Variants in TMPRSS6 observed in about 807,000 individuals in gnomAD.
The protein encoded by TMPRSS6 is transmembrane serine protease 6.
In TMPRSS6, 67 loss-of-function variants were observed where a neutral mutation model predicts 101.5. The ratio of observed to expected loss-of-function variants is 0.66; its 90% CI spans 0.54 to 0.81. The LOEUF is 0.81. Among genes scored for constraint, TMPRSS6 ranks in the 30% least tolerant of loss-of-function variants. TMPRSS6 has a pLI of 0.00. For synonymous variants in TMPRSS6, 453 were observed against 464.9 expected (o/e 0.97, Z 0.33); for missense variants, 1,034 against 1,088.7 (o/e 0.95, Z 0.71).
At chr22:37,093,687 C>A (rs1300664531) in intron 6 of TMPRSS6, among the ~76,000 whole-genome samples, 1 of 149,886 alleles carries the variant, frequency 6.7e-6, no homozygotes, top group Non-Finnish European at 1.5e-5. Flanking sequence ...CAGGCATGAG[C>A]CACCATGCCT....
chr22:37,094,308 TA>T (rs1929538732), intron 6 of TMPRSS6, among the ~76,000 whole-genome samples: 1 of 152,176 alleles, frequency 6.6e-6, no homozygotes, highest in South Asian at 2.1e-4. Flanking sequence ...TCTTGCCTGG[TA>T]GGACCTTAAC....
chr22:37,067,089 T>C (rs1926371930), intron 16 of TMPRSS6, 127 bp from the exon 17 acceptor site: 6 of 1,406,016 alleles, frequency 4.3e-6, no homozygotes, highest in South Asian at 3.7e-5. Context: ...CCCTTACCCC[T>C]GCTAGGGTCG....
chr22:37,105,861 C>T (rs932325), intron 1 of TMPRSS6, among the ~76,000 whole-genome samples: 54,525 of 151,796 alleles, frequency 0.36, 10,296 homozygotes, highest in Non-Finnish European at 0.41. Flanking sequence ...TTTGTAGAGA[C>T]CAGGTCTCAA....
At chr22:37,102,607 G>A (rs982698897) in intron 2 of TMPRSS6, among the ~76,000 whole-genome samples, 2 of 152,186 alleles carry the variant, frequency 1.3e-5, no homozygotes, top group African/African-American at 4.8e-5. Flanking sequence ...ACTGACTGAG[G>A]GCTGTGACAT....
rs573880111 is a variant in TMPRSS6 at position 37,071,390 on chromosome 22, C to T, written c.1556-358G>A. On this transcript the variant is annotated intron_variant, in intron 13 of 17. Transcript: ENST00000676104. ...CAATCTCCCAGGCTCTGGCCCTGCC[C>T]GGTTGTCCACATTTTCCTCCCTGCT... Among the ~76,000 whole-genome samples the T allele has an allele frequency of 5.9e-5, 9 of 152,340 alleles. No homozygotes were observed. In the East Asian group the frequency reaches 1.2e-3, roughly 20 times the overall value.
At position 37,108,543 on chromosome 22, in the gene TMPRSS6, A is replaced by T. The variant is rs906639197; in HGVS notation, c.-2+960T>A. 3.3e-5 allele frequency among the ~76,000 whole-genome samples: 5 copies of T among 152,100 alleles called. No homozygotes were observed. The South Asian group carries it at 1.0e-3, about 32-fold the overall frequency. On this transcript the variant is annotated intron_variant, in intron 1 of 17. Coordinates refer to ENST00000676104, the MANE Select transcript of TMPRSS6 (RefSeq NM_001374504.1). ...TCCCTCCTGCCCTTCTGGCCATTGG[A>T]GGGTCTCGGGTCTGCCTGCTGGAGG...
In TMPRSS6 at chr22:37,089,792, G is replaced by GGAGA. The variant is rs760076759; in HGVS notation, c.632-14_632-11dup. On this transcript the variant is annotated splice_polypyrimidine_tract_variant and intron_variant, in intron 6 of 17. Transcript: ENST00000676104. ...CTGTAGCGGTAACAACCTGGAGCGG[G>GGAGA]GAGAGGGGCACAGCCCCTGATTCCT... 6 of 1,609,812 alleles carry GGAGA rather than the reference G, an allele frequency of 3.7e-6. No individual in the cohort carries two copies. The highest frequency in any genetic ancestry group is 5.1e-6 in the Non-Finnish European group (6 of 1,178,938).
Position 37,089,649 on chromosome 22 carries a change from C to A in TMPRSS6, c.765G>T (p.Thr255=), listed in dbSNP as rs368878497. 6.2e-7 allele frequency: 1 copy of A among 1,612,996 alleles called. No homozygotes were observed. Among genetic ancestry groups the A allele is most frequent in the Non-Finnish European group, 8.5e-7 (1 of 1,179,750 alleles). ...CCAGTCGGTCCCGGCACTCTGCCAG[C>A]GTCCACTCCAGCCGGAGTTTGAGCA... ...DLMLKLRLEW[T]LAECRDRLAM... is the part of the protein sequence containing the mutation. Residue 255 remains threonine (T), a synonymous_variant, in exon 7 of 18, where the codon ACG becomes ACT. Coordinates refer to ENST00000676104, the MANE Select transcript of TMPRSS6 (RefSeq NM_001374504.1).
intron 6 of TMPRSS6, among the ~76,000 whole-genome samples, chr22:37,094,428 T>TAGGG (rs1555891517): frequency 7.3e-6 from 1 of 136,218 alleles, no homozygotes; most frequent in South Asian, 2.3e-4. Flanking sequence ...GATAGATAGA[T>TAGGG]ATAAACAGAC....
At chr22:37,079,240 C>T (rs1470779827) in intron 10 of TMPRSS6, among the ~76,000 whole-genome samples, 2 of 152,230 alleles carry the variant, frequency 1.3e-5, no homozygotes, top group African/African-American at 2.4e-5. Flanking sequence ...CTGACTGCTG[C>T]GATGCCTGCC....
In TMPRSS6 at chr22:37,096,693, G is replaced by A. The variant is rs143244650; in HGVS notation, c.359C>T (p.Thr120Ile). 1.7e-4 allele frequency: 267 copies of A among 1,566,492 alleles called. 1 individual carries two copies. The African/African-American group carries it at 3.0e-3, about 18-fold the overall frequency. ...QKMLKELITS[T>I]RLGTYYNSSS... ...GGAGTTGTAGTAAGTTCCCAGGCGG[G>A]TGCTGGTGATGAGCTCCTTGAGCTG... is the stretch of plus-strand genomic sequence containing the variant. The change falls in exon 4 of 18, where the codon ACC becomes ATC. Residue 120 changes from threonine to isoleucine, a missense_variant. Coordinates refer to ENST00000676104, the MANE Select transcript of TMPRSS6 (RefSeq NM_001374504.1).
intron 2 of TMPRSS6, among the ~76,000 whole-genome samples, chr22:37,100,716 G>A (rs1930245042): frequency 6.6e-6 from 1 of 152,198 alleles, no homozygotes; most frequent in South Asian, 2.1e-4. Context: ...AAGCTCAAGG[G>A]AGAGGCCCAG....
chr22:37,083,988 G>A, intron 10 of TMPRSS6: 1 of 553,816 alleles, frequency 1.8e-6, no homozygotes, highest in Non-Finnish European at 3.2e-6. Flanking sequence ...GTGCCAGAGG[G>A]GGTTACAGCA....
rs60484081 is a variant in TMPRSS6 at position 37,069,345 on chromosome 22, CTGGGGTGGGGTGGGGTGGGG to C, written c.1842-21_1842-2del. 5.0e-5 allele frequency: 21 copies of C among 418,128 alleles called. No homozygotes were observed. Among genetic ancestry groups the C allele is most frequent in the South Asian group, 2.8e-4 (8 of 28,618 alleles). The allele number at this position is 418,128 out of a possible 1,614,324, so 25.9% of individuals were successfully genotyped here. A position where few individuals can be genotyped will look rare whatever the true frequency, so the allele number is the denominator to read the frequency against. On this transcript the variant is annotated splice_acceptor_variant and splice_polypyrimidine_tract_variant and intron_variant, in intron 15 of 17. Transcript: ENST00000676104. LOFTEE classifies it high-confidence loss of function. This position sits in a 1 kb window ranked among gnomAD's most constrained non-coding sequence, Gnocchi z 4.8. ...GGTCCACAGCACCGTGGAGGCCATG[CTGGGGTGGGGTGGGGTGGGG>C]TGGGGTGGGGTGAGGTGAGGTGGGA...
chr22:37,109,298 C>T (rs1930920509), intron 1 of TMPRSS6: 2 of 152,714 alleles, frequency 1.3e-5, no homozygotes, highest in Non-Finnish European at 2.9e-5. Flanking sequence ...TGGTGTCACC[C>T]TGCGTGGTCC....
Position 37,069,356 on chromosome 22 carries a change from TG to T in TMPRSS6, c.1842-13del. The T allele has an allele frequency of 1.6e-5, 2 of 123,288 alleles. No individual in the cohort carries two copies. The highest frequency in any genetic ancestry group is 6.8e-5 in the South Asian group (1 of 14,756). The allele number at this position is 123,288 out of a possible 1,614,324, so 7.6% of individuals were successfully genotyped here. A position where few individuals can be genotyped will look rare whatever the true frequency, so the allele number is the denominator to read the frequency against. ...CCGTGGAGGCCATGCTGGGGTGGGG[TG>T]GGGTGGGGTGGGGTGGGGTGAGGTG... On this transcript the variant is annotated splice_polypyrimidine_tract_variant and intron_variant, in intron 15 of 17. Coordinates refer to ENST00000676104, the MANE Select transcript of TMPRSS6 (RefSeq NM_001374504.1). The surrounding 1 kb of genome is among the most constrained non-coding windows in gnomAD (Gnocchi z 4.8).
rs994072600 is a variant in TMPRSS6, at chr22:37,069,877, G to A, written c.1842-533C>T. 6.6e-6 allele frequency among the ~76,000 whole-genome samples: 1 copy of A among 152,198 alleles called. No homozygotes were observed. Among genetic ancestry groups the A allele is most frequent in the African/African-American group, 2.4e-5 (1 of 41,448 alleles). On this transcript the variant is annotated intron_variant, in intron 15 of 17. Transcript: ENST00000676104. The surrounding 1 kb of genome is among the most constrained non-coding windows in gnomAD (Gnocchi z 4.8). ...GGTCTCTACCCTCTACCTGAGGGCA[G>A]TGGGGAGCCTGAGATGGGGTTAAAG...
chr22:37,068,837 C>T (rs1453644641), intron 16 of TMPRSS6, among the ~76,000 whole-genome samples: 4 of 152,234 alleles, frequency 2.6e-5, no homozygotes. Context: ...CTTTGCCCCA[C>T]ACATAACGCC....
chr22:37,083,736 A>T (rs761945504), intron 10 of TMPRSS6, among the ~76,000 whole-genome samples: 1 of 152,216 alleles, frequency 6.6e-6, no homozygotes, highest in Non-Finnish European at 1.5e-5. Flanking sequence ...TCGGAAACTT[A>T]GTTACCAGAG....
Sources: allele counts gnomAD v4.1 joint callset (sites outside exome capture counted in the v4.1 genomes callset), GRCh38; gene constraint gnomAD v4.1.1; non-coding constraint Gnocchi (gnomAD v3.1); transcripts MANE v1.5; gene names NCBI Gene and HGNC (gene_info 2026-07-23, HGNC 2026-07-21).